Variants in MTA3 observed in about 807,000 individuals in gnomAD.
MTA3 encodes metastasis-associated protein MTA3.
In MTA3, 34 loss-of-function variants were observed where a neutral mutation model predicts 83.5. The observed-to-expected ratio is 0.41, with a 90% CI of 0.31 to 0.54. The LOEUF (loss-of-function observed/expected upper bound fraction) is 0.54. MTA3 is among the 20% of genes least tolerant of loss of function. The pLI is 0.33. For synonymous variants in MTA3, 303 were observed against 252.7 expected, an observed-to-expected ratio of 1.20 and a Z score of -1.89; for missense variants, 761 against 726.4, an observed-to-expected ratio of 1.05 and a Z score of -0.55.
intron 3 of MTA3, among the ~76,000 whole-genome samples, chr2:42,608,913 A>G (rs1476188719): frequency 1.3e-5 from 2 of 152,004 alleles, no homozygotes; most frequent in African/African-American, 4.8e-5. Flanking sequence ...TTTTAAATTG[A>G]TATGTAATAT....
At chr2:42,752,800 A>G (rs1669979213) in intron 16 of MTA3, among the ~76,000 whole-genome samples, 1 of 152,160 alleles carries the variant, frequency 6.6e-6, no homozygotes. Flanking sequence ...GCACCTCTCC[A>G]GTGACCACTA....
chr2:42,525,632 T>TCCTTCCTTCCTTCCA (rs1675672257), intron 2 of MTA3, among the ~76,000 whole-genome samples: 2 of 115,504 alleles, frequency 1.7e-5, no homozygotes, highest in Non-Finnish European at 3.8e-5. Context: ...CCTACTTTCT[T>TCCTTCCTTCCTTCCA]TCTTTCTTTC....
At chr2:42,706,955 C>G (rs1228737889) in intron 12 of MTA3, among the ~76,000 whole-genome samples, 1 of 152,064 alleles carries the variant, frequency 6.6e-6, no homozygotes, top group African/African-American at 2.4e-5. Flanking sequence ...CTCTCCTCCC[C>G]TACTCCCTCC....
At chr2:42,631,320 C>T (rs1364710531) in intron 4 of MTA3, among the ~76,000 whole-genome samples, 1 of 152,154 alleles carries the variant, frequency 6.6e-6, no homozygotes, top group African/African-American at 2.4e-5. Flanking sequence ...TTATAGTGTA[C>T]ATGTTTAGCA....
chr2:42,547,294 T>C (rs1425773785), intron 2 of MTA3, among the ~76,000 whole-genome samples: 1 of 152,122 alleles, frequency 6.6e-6, no homozygotes, highest in Admixed American at 6.6e-5. Context: ...GGACGTGAGG[T>C]ACAGAACAGC....
intron 2 of MTA3, among the ~76,000 whole-genome samples, chr2:42,575,471 A>C (rs1678938047): frequency 6.6e-6 from 1 of 152,202 alleles, no homozygotes; most frequent in Admixed American, 6.5e-5. Flanking sequence ...TTTACTATTT[A>C]CAAACTGCTT....
intron 6 of MTA3, among the ~76,000 whole-genome samples, chr2:42,649,664 C>T (rs1402392224): frequency 6.6e-6 from 1 of 152,092 alleles, no homozygotes; most frequent in African/African-American, 2.4e-5. Context: ...TACAAAAGTG[C>T]CTTCCTTTGA....
At chr2:42,536,703 CA>C in intron 2 of MTA3, among the ~76,000 whole-genome samples, 1 of 151,662 alleles carries the variant, frequency 6.6e-6, no homozygotes, top group African/African-American at 2.4e-5. Context: ...ACTAAAAATA[CA>C]AAAAATTAGC....
chr2:42,733,043 T>A (rs1246483734), intron 16 of MTA3, among the ~76,000 whole-genome samples: 1 of 152,206 alleles, frequency 6.6e-6, no homozygotes, highest in African/African-American at 2.4e-5. Context: ...CTCTCCAAAC[T>A]GTTCCAACCT....
chr2:42,665,300 GA>G (rs1415552381), intron 8 of MTA3, among the ~76,000 whole-genome samples: 1 of 152,186 alleles, frequency 6.6e-6, no homozygotes, highest in African/African-American at 2.4e-5. Context: ...GCTGAGGCAG[GA>G]GAATCGCTTG....
chr2:42,591,843 G>A (rs1319766428), intron 3 of MTA3, among the ~76,000 whole-genome samples: 1 of 152,068 alleles, frequency 6.6e-6, no homozygotes, highest in Non-Finnish European at 1.5e-5. Context: ...TAGAGACGGA[G>A]TTTCACCATG....
At chr2:42,661,529 GAAA>G (rs1171961816) in intron 8 of MTA3, among the ~76,000 whole-genome samples, 2 of 22,482 alleles carry the variant, frequency 8.9e-5, no homozygotes, top group Non-Finnish European at 1.7e-4. Context: ...AAAAAAAAAA[GAAA>G]AAGATATTTA....
At chr2:42,593,350 C>CA (rs199677731) in intron 3 of MTA3, among the ~76,000 whole-genome samples, 1,623 of 81,648 alleles carry the variant, frequency 0.02, 28 homozygotes, top group African/African-American at 0.069. Flanking sequence ...GACTCTGTGT[C>CA]AAAACAAAAA....
At chr2:42,627,356 A>G (rs1204890910) in intron 4 of MTA3, among the ~76,000 whole-genome samples, 1 of 152,006 alleles carries the variant, frequency 6.6e-6, no homozygotes, top group African/African-American at 2.4e-5. Flanking sequence ...GCCAGGCCTG[A>G]GCTTTGTTTC....
chr2:42,747,263 G>A (rs1006427850), intron 16 of MTA3, among the ~76,000 whole-genome samples: 1 of 152,098 alleles, frequency 6.6e-6, no homozygotes, highest in South Asian at 2.1e-4. Flanking sequence ...GCCCCCGAAA[G>A]TGCTGGGATT....
chr2:42,549,560 TA>T (rs1676999280), intron 2 of MTA3, among the ~76,000 whole-genome samples: 1 of 114,852 alleles, frequency 8.7e-6, no homozygotes, highest in Non-Finnish European at 1.6e-5. Context: ...ATATATTATA[TA>T]CATATACATA....
chr2:42,695,538 G>C (rs982120637), intron 9 of MTA3, among the ~76,000 whole-genome samples: 1 of 148,838 alleles, frequency 6.7e-6, no homozygotes, highest in Non-Finnish European at 1.5e-5. Context: ...TGGGAGGCTA[G>C]GCAGAAGAAT....
chr2:42,533,371 G>A (rs1676066829), intron 2 of MTA3: 1 of 151,630 alleles, frequency 6.6e-6, no homozygotes, highest in Non-Finnish European at 1.5e-5. Flanking sequence ...TTACAGGTGT[G>A]AGCAACAGCG....
intron 2 of MTA3, among the ~76,000 whole-genome samples, chr2:42,549,276 ATATG>A (rs1225689988): frequency 2.5e-5 from 3 of 118,134 alleles, no homozygotes; most frequent in Admixed American, 2.1e-4. Context: ...GTGTACGTAT[ATATG>A]TAATATATAA....
Sources: gnomAD v4.1 joint callset for allele counts (sites outside exome capture counted in the v4.1 genomes callset) on GRCh38, gnomAD v4.1.1 for gene constraint, MANE v1.5 for transcripts, NCBI Gene and HGNC (gene_info 2026-07-23, HGNC 2026-07-21) for gene names.